SKAP2: variants seen among roughly 807,000 people sequenced by gnomAD.
The protein encoded by SKAP2 is src kinase associated phosphoprotein 2.
In SKAP2, 28 loss-of-function variants were observed where a neutral mutation model predicts 54.9. The observed-to-expected ratio is 0.51, with a 90% CI of 0.38 to 0.70. The LOEUF (loss-of-function observed/expected upper bound fraction) is 0.70. Ranked by LOEUF, SKAP2 falls within the 30% of genes least tolerant of loss-of-function variation. The pLI, the probability that SKAP2 is intolerant of heterozygous loss-of-function variation, is 0.00. For synonymous variants in SKAP2, 137 were observed against 134.3 expected (o/e 1.02, Z -0.14); for missense variants, 356 against 424.1 (o/e 0.84, Z 1.41).
chr7:26,843,821 A>C (rs1784865300), intron 4 of SKAP2, among the ~76,000 whole-genome samples: 1 of 152,054 alleles, frequency 6.6e-6, no homozygotes, highest in Non-Finnish European at 1.5e-5. Flanking sequence ...AATTTTAGTA[A>C]AGAAAATTTC....
chr7:26,657,521 G>A, the SKAP2 span, among the ~76,000 whole-genome samples: 1 of 152,164 alleles, frequency 6.6e-6, no homozygotes, highest in Non-Finnish European at 1.5e-5. Flanking sequence ...GCAAAATAAT[G>A]TACCATGCTG....
chr7:26,683,061 A>G (rs932939667), intron 11 of SKAP2, among the ~76,000 whole-genome samples: 1 of 152,220 alleles, frequency 6.6e-6, no homozygotes, highest in African/African-American at 2.4e-5. Context: ...CAAAAGGAGT[A>G]TAATAGCTAT....
At chr7:26,826,732 A>C (rs886102109) in intron 4 of SKAP2, among the ~76,000 whole-genome samples, 5 of 152,178 alleles carry the variant, frequency 3.3e-5, no homozygotes, top group East Asian at 1.9e-4. Context: ...TGATATTTAT[A>C]TCTCTCCTGT....
At chr7:26,760,010 T>C (rs1562600352) in intron 4 of SKAP2, among the ~76,000 whole-genome samples, 1 of 151,966 alleles carries the variant, frequency 6.6e-6, no homozygotes, top group Non-Finnish European at 1.5e-5. Context: ...TGAACAATAC[T>C]TTAAGTAAAG....
chr7:26,822,653 A>G (rs1784404814), intron 4 of SKAP2, among the ~76,000 whole-genome samples: 1 of 151,900 alleles, frequency 6.6e-6, no homozygotes, highest in South Asian at 2.1e-4. Flanking sequence ...AGGCGGGTGG[A>G]TCACGAGGTC....
chr7:26,850,274 G>A (rs1440986196), intron 3 of SKAP2, among the ~76,000 whole-genome samples: 1 of 152,012 alleles, frequency 6.6e-6, no homozygotes, highest in Non-Finnish European at 1.5e-5. Flanking sequence ...AAAAATCTAC[G>A]GTTAGAAACT....
chr7:26,679,375 G>A (rs1786432067), intron 11 of SKAP2, among the ~76,000 whole-genome samples: 2 of 152,186 alleles, frequency 1.3e-5, no homozygotes, highest in South Asian at 4.1e-4. Context: ...TTCTGACATG[G>A]TGTTGTGTCC....
At chr7:26,658,970 C>A in the SKAP2 span, among the ~76,000 whole-genome samples, 1 of 152,056 alleles carries the variant, frequency 6.6e-6, no homozygotes, top group South Asian at 2.1e-4. Flanking sequence ...ATAGGCCAGA[C>A]CTCATTAGAA....
chr7:26,777,848 T>C (rs1414272391), intron 4 of SKAP2, among the ~76,000 whole-genome samples: 1 of 152,058 alleles, frequency 6.6e-6, no homozygotes, highest in Non-Finnish European at 1.5e-5. Flanking sequence ...GACCAAGTTC[T>C]GGTAAATACT....
intron 4 of SKAP2, among the ~76,000 whole-genome samples, chr7:26,751,221 T>A (rs1212254525): frequency 6.6e-6 from 1 of 152,152 alleles, no homozygotes; most frequent in Non-Finnish European, 1.5e-5. Context: ...TGTCATTCTA[T>A]TCCCATCTCC....
chr7:26,863,936 T>C lies in SKAP2; in HGVS notation c.67+427A>G, dbSNP rs74397460. On this transcript the variant is annotated intron_variant, in intron 1 of 12. Coordinates refer to ENST00000345317, the MANE Select transcript of SKAP2 (RefSeq NM_003930.5). The stretch of plus-strand genomic sequence containing the variant: ...TGCATCTCTACATCCTCTACCTCCA[T>C]TGGCCAGACCACCCAAGAACTACTT... Among the ~76,000 whole-genome samples the C allele has an allele frequency of 2.0e-3, 311 of 152,140 alleles. 2 individuals carry two copies. The highest frequency in any genetic ancestry group is 7.2e-3 in the African/African-American group (300 of 41,512).
intron 4 of SKAP2, among the ~76,000 whole-genome samples, chr7:26,795,784 C>T (rs1783764564): frequency 1.3e-5 from 2 of 152,172 alleles, no homozygotes; most frequent in Non-Finnish European, 2.9e-5. Flanking sequence ...ATCTCTCCCA[C>T]TACCTGGTGA....
intron 4 of SKAP2, among the ~76,000 whole-genome samples, chr7:26,764,141 G>C (rs764221329): frequency 6.6e-6 from 1 of 152,170 alleles, no homozygotes; most frequent in African/African-American, 2.4e-5. Context: ...AAGAGAAATA[G>C]GTGATTCTTT....
chr7:26,665,902 ATTGT>A (rs1019060543), downstream of SKAP2, among the ~76,000 whole-genome samples: 32 of 152,060 alleles, frequency 2.1e-4, no homozygotes, highest in African/African-American at 7.0e-4. Flanking sequence ...TGTAGTACTT[ATTGT>A]TTCTCTGTAT....
intron 4 of SKAP2, among the ~76,000 whole-genome samples, chr7:26,791,049 TA>T (rs141552689): frequency 4.6e-5 from 7 of 151,720 alleles, no homozygotes; most frequent in Non-Finnish European, 1.5e-5. Flanking sequence ...TGTTTTAATT[TA>T]AAAAAAATCC....
At chr7:26,683,022 C>G (rs917579034) in intron 11 of SKAP2, among the ~76,000 whole-genome samples, 1 of 152,118 alleles carries the variant, frequency 6.6e-6, no homozygotes, top group African/African-American at 2.4e-5. Flanking sequence ...ACAAATAGAT[C>G]CACATGGGCT....
At chr7:26,850,882 AAAG>A (rs1185489984) in intron 3 of SKAP2, among the ~76,000 whole-genome samples, 2 of 152,178 alleles carry the variant, frequency 1.3e-5, no homozygotes, top group Non-Finnish European at 2.9e-5. Flanking sequence ...TGTAAAGATA[AAAG>A]AAGAATTTTA....
intron 4 of SKAP2, among the ~76,000 whole-genome samples, chr7:26,754,580 CAGA>C (rs989132594): frequency 6.6e-6 from 1 of 152,152 alleles, no homozygotes; most frequent in Non-Finnish European, 1.5e-5. Context: ...TTGTCATTAC[CAGA>C]ACAATTTCAC....
rs78712861 is a variant in SKAP2 at position 26,776,851 on chromosome 7, C to T, written c.308-36887G>A. Reference sequence around the variant, plus strand: ...TATGTGATAGAGCCTGACTTTTTAGCACAACATACAAAGCCCTTCAAAATC... The same window carrying T: ...TATGTGATAGAGCCTGACTTTTTAGTACAACATACAAAGCCCTTCAAAATC... On this transcript the variant is annotated intron_variant, in intron 4 of 12. Coordinates refer to ENST00000345317, the MANE Select transcript of SKAP2 (RefSeq NM_003930.5). Among the ~76,000 whole-genome samples the T allele has an allele frequency of 9.5e-3, 1,453 of 152,256 alleles. 19 individuals carry two copies. Among genetic ancestry groups the T allele is most frequent in the African/African-American group, 0.033 (1,365 of 41,562 alleles).
Sources: gnomAD v4.1 joint callset for allele counts (sites outside exome capture counted in the v4.1 genomes callset) on GRCh38, gnomAD v4.1.1 for gene constraint, MANE v1.5 for transcripts, NCBI Gene and HGNC (gene_info 2026-07-23, HGNC 2026-07-21) for gene names.